The following CNTNAP5 variants were observed in gnomAD, a reference collection of about 807,000 sequenced individuals.
The protein encoded by CNTNAP5 is contactin associated protein family member 5.
In CNTNAP5, 72 loss-of-function variants were observed where a neutral mutation model predicts 150.2. The ratio of observed to expected loss-of-function variants is 0.48; its 90% CI spans 0.40 to 0.58. The LOEUF is 0.58. Among genes scored for constraint, CNTNAP5 ranks in the 20% least tolerant of loss-of-function variants. The pLI is 0.00. For missense variants in CNTNAP5, 1,636 were observed against 1,626.2 expected (o/e 1.01, Z -0.10); for synonymous variants, 672 against 619.8 (o/e 1.08, Z -1.25).
intron 14 of CNTNAP5, among the ~76,000 whole-genome samples, chr2:124,755,814 T>C (rs1157208425): frequency 1.3e-5 from 2 of 152,220 alleles, no homozygotes; most frequent in Non-Finnish European, 2.9e-5. Context: ...CAATTGTAGC[T>C]ATTTTTGCTG....
chr2:124,702,855 G>T (rs57228553), intron 13 of CNTNAP5, among the ~76,000 whole-genome samples: 36,076 of 151,890 alleles, frequency 0.24, 4,355 homozygotes, highest in African/African-American at 0.27. Flanking sequence ...CTCATTTTCT[G>T]TTCCTCATTT....
intron 17 of CNTNAP5, among the ~76,000 whole-genome samples, chr2:124,789,399 T>C (rs1193876157): frequency 6.6e-6 from 1 of 152,212 alleles, no homozygotes; most frequent in Non-Finnish European, 1.5e-5. Flanking sequence ...TGTATTTTTT[T>C]CTTAACTAAC....
intron 12 of CNTNAP5, among the ~76,000 whole-genome samples, chr2:124,616,367 T>A (rs970190507): frequency 1.3e-5 from 2 of 152,204 alleles, no homozygotes; most frequent in African/African-American, 4.8e-5. Flanking sequence ...TGATCCGGCC[T>A]CTGCTAGCTT....
intron 1 of CNTNAP5, among the ~76,000 whole-genome samples, chr2:124,065,838 A>G (rs1465397050): frequency 1.3e-5 from 2 of 152,180 alleles, no homozygotes; most frequent in South Asian, 2.1e-4. Flanking sequence ...AAAAAATCCA[A>G]TTTAGTTCAC....
At chr2:124,157,693 G>A (rs1238735318) in intron 1 of CNTNAP5, among the ~76,000 whole-genome samples, 1 of 152,058 alleles carries the variant, frequency 6.6e-6, no homozygotes, top group East Asian at 1.9e-4. Context: ...AATCTAAAGG[G>A]CATCTATAGG....
At chr2:124,117,173 C>A (rs1293280863) in intron 1 of CNTNAP5, among the ~76,000 whole-genome samples, 1 of 152,090 alleles carries the variant, frequency 6.6e-6, no homozygotes, top group Non-Finnish European at 1.5e-5. Context: ...AAATATAAAC[C>A]GAGCCAAGAA....
intron 1 of CNTNAP5, among the ~76,000 whole-genome samples, chr2:124,135,813 A>T (rs577017825): frequency 1.3e-5 from 2 of 152,354 alleles, no homozygotes; most frequent in East Asian, 3.9e-4. Flanking sequence ...AAACTGTGAT[A>T]CTTGCCAGTG....
intron 19 of CNTNAP5, among the ~76,000 whole-genome samples, chr2:124,842,237 A>C (rs1682958699): frequency 6.6e-6 from 1 of 152,174 alleles, no homozygotes; most frequent in Non-Finnish European, 1.5e-5. Flanking sequence ...AAAGAAAAAC[A>C]GATCTTTAGT....
At position 124,202,763 on chromosome 2, in the gene CNTNAP5, A is replaced by T. The variant is rs1399355833; in HGVS notation, c.83-18942A>T. Among the ~76,000 whole-genome samples, 3 of 152,144 alleles carry T rather than the reference A, an allele frequency of 2.0e-5. No individual in the cohort carries two copies. The East Asian group carries it at 5.8e-4, about 30-fold the overall frequency. Reference sequence around the variant, plus strand: ...TTATTAGACCATTAGATTTTGTGAGACTTATTCACTAGCACAAGAAGAGCA... The same window carrying T: ...TTATTAGACCATTAGATTTTGTGAGTCTTATTCACTAGCACAAGAAGAGCA... On this transcript the variant is annotated intron_variant, in intron 1 of 23. Transcript: ENST00000682447.
At chr2:124,380,890 T>C (rs937548834) in intron 3 of CNTNAP5, among the ~76,000 whole-genome samples, 1 of 152,124 alleles carries the variant, frequency 6.6e-6, no homozygotes, top group Non-Finnish European at 1.5e-5. Flanking sequence ...TTTTAGATAA[T>C]GATATGTGTC....
chr2:124,066,656 C>CAA (rs11330744), intron 1 of CNTNAP5, among the ~76,000 whole-genome samples: 23 of 150,428 alleles, frequency 1.5e-4, no homozygotes, highest in East Asian at 2.0e-4. Context: ...CAATTTTTAA[C>CAA]AAAAAAAAAA....
chr2:124,441,365 C>T (rs1692668817), intron 5 of CNTNAP5, among the ~76,000 whole-genome samples: 1 of 151,328 alleles, frequency 6.6e-6, no homozygotes, highest in Non-Finnish European at 1.5e-5. Flanking sequence ...TATGCTCACC[C>T]TAAAACACAC....
intron 17 of CNTNAP5, among the ~76,000 whole-genome samples, chr2:124,786,402 G>GAAAGAAAGAAGGAAA (rs1558775115): frequency 3.7e-5 from 2 of 54,212 alleles, no homozygotes; most frequent in Admixed American, 2.2e-4. Context: ...AAAGAAAGAA[G>GAAAGAAAGAAGGAAA]GAAGGAAGGA....
intron 13 of CNTNAP5, among the ~76,000 whole-genome samples, chr2:124,670,377 A>G (rs141573993): frequency 6.6e-6 from 1 of 152,192 alleles, no homozygotes; most frequent in Non-Finnish European, 1.5e-5. Flanking sequence ...TCTTCTGTGG[A>G]AAAATGTCTA....
intron 1 of CNTNAP5, among the ~76,000 whole-genome samples, chr2:124,138,918 C>T (rs1472533158): frequency 1.3e-5 from 2 of 151,888 alleles, no homozygotes; most frequent in African/African-American, 4.8e-5. Flanking sequence ...TCAGTAGCAG[C>T]CTTTGCATAA....
At chr2:124,489,306 T>G (rs1693965297) in intron 7 of CNTNAP5, among the ~76,000 whole-genome samples, 1 of 152,146 alleles carries the variant, frequency 6.6e-6, no homozygotes, top group African/African-American at 2.4e-5. Context: ...GTCAGCAGGG[T>G]TGATTCTGAG....
chr2:124,820,524 G>C (rs1020226585), intron 19 of CNTNAP5, among the ~76,000 whole-genome samples: 6 of 146,242 alleles, frequency 4.1e-5, no homozygotes, highest in African/African-American at 1.6e-4. Flanking sequence ...AGAAGGAAAT[G>C]ACACAAAGGA....
At chr2:124,765,035 G>GA (rs1229523003) in intron 16 of CNTNAP5, among the ~76,000 whole-genome samples, 1 of 151,966 alleles carries the variant, frequency 6.6e-6, no homozygotes, top group African/African-American at 2.4e-5. Context: ...CTTATATTGA[G>GA]AAAATAATAC....
rs372721650 is a variant in CNTNAP5, at chr2:124,034,989, C to T, written c.82+9257C>T. ...TTATTAAGACATGTTATCCACAAGT[C>T]CTCCCTCCCCTCCCCTCCCCTCCCC... On this transcript the variant is annotated intron_variant, in intron 1 of 23. Transcript: ENST00000682447. Among the ~76,000 whole-genome samples, 267 of 132,972 alleles carry T rather than the reference C, an allele frequency of 2.0e-3. 2 individuals are homozygous for T. Among genetic ancestry groups the T allele is most frequent in the African/African-American group, 7.2e-3 (260 of 36,210 alleles). 87.2% of individuals were successfully genotyped at this position (132,972 alleles called of 152,430 possible).
Sources: gnomAD v4.1 joint callset for allele counts (sites outside exome capture counted in the v4.1 genomes callset) on GRCh38, gnomAD v4.1.1 for gene constraint, MANE v1.5 for transcripts, NCBI Gene and HGNC (gene_info 2026-07-23, HGNC 2026-07-21) for gene names.